The following PPP1R26 variants were observed in gnomAD, a reference collection of about 807,000 sequenced individuals.
PPP1R26 encodes 1A6/DRIM (down-regulated in metastasis) interacting protein.
A neutral mutation model predicts 67.6 loss-of-function variants in PPP1R26; 22 were observed. That is an observed-to-expected ratio of 0.33 (90% CI 0.23 to 0.46). The LOEUF (loss-of-function observed/expected upper bound fraction) is 0.46, where lower values mean the gene tolerates loss of function less well. PPP1R26 is among the 20% of genes least tolerant of loss of function. PPP1R26 has a pLI of 1.00. For missense variants in PPP1R26, 1,602 were observed against 1,651.4 expected, an observed-to-expected ratio of 0.97 and a Z score of 0.52; for synonymous variants, 729 against 717.2, an observed-to-expected ratio of 1.02 and a Z score of -0.26.
chr9:135,483,829 C>T (rs886344620), intron 2 of PPP1R26, 121 bp from the exon 3 acceptor site: 7 of 391,160 alleles, frequency 1.8e-5, no homozygotes, highest in African/African-American at 1.0e-4. Context: ...CAGTCCCATG[C>T]GACCACCTGG....
At chr9:135,482,360 A>T (rs1830550696) in intron 1 of PPP1R26, among the ~76,000 whole-genome samples, 1 of 152,178 alleles carries the variant, frequency 6.6e-6, no homozygotes, top group Admixed American at 6.5e-5. Context: ...AGGTGACTTT[A>T]TGGGGGATGT....
Position 135,487,713 on chromosome 9 carries a change from G to A in PPP1R26, c.3203G>A (p.Arg1068Gln), listed in dbSNP as rs570749929. The stretch of plus-strand genomic sequence containing the variant: ...GACAAGGGGTCCGAGGGCCCCGCCC[G>A]GGGCCTGCCCAGCCTGCCCCTTGCG... ...ERDKGSEGPA[R>Q]GLPSLPLAGF... Residue 1068 changes from arginine to glutamine, a missense_variant, in exon 4 of 4, where the codon CGG becomes CAG. Transcript: ENST00000356818. The A allele has an allele frequency of 3.1e-4, 456 of 1,451,232 alleles. No homozygotes were observed. Among genetic ancestry groups the A allele is most frequent in the Admixed American group, 4.9e-4 (17 of 34,662 alleles). 89.9% of individuals were successfully genotyped at this position (1,451,232 alleles called of 1,614,324 possible).
chr9:135,485,122 C>T lies in PPP1R26; in HGVS notation c.612C>T (p.Ser204=), dbSNP rs751729149. ...SGGGPGSQVG[S]SKDQGSASPV... ...GTGGCCCCGGCAGCCAGGTGGGATCCAGCAAGGACCAGGGCTCCGCCTCCC... is the reference window on the plus strand; with the variant it reads ...GTGGCCCCGGCAGCCAGGTGGGATCTAGCAAGGACCAGGGCTCCGCCTCCC... Residue 204 remains serine, a synonymous_variant, in exon 4 of 4, where the codon TCC becomes TCT. Transcript: ENST00000356818. The surrounding 1 kb of genome is among the most constrained non-coding windows in gnomAD (Gnocchi z 7.2). The T allele has an allele frequency of 6.2e-7, 1 of 1,612,828 alleles. No homozygotes were observed. The highest frequency in any genetic ancestry group is 8.5e-7 in the Non-Finnish European group (1 of 1,179,848).
chr9:135,487,776 T>G lies in PPP1R26; in HGVS notation c.3266T>G (p.Phe1089Cys), dbSNP rs774164019. 6.6e-7 allele frequency: 1 copy of G among 1,524,472 alleles called. No homozygotes were observed. Among genetic ancestry groups the G allele is most frequent in the East Asian group, 2.3e-5 (1 of 43,452 alleles). 94.4% of individuals were successfully genotyped at this position (1,524,472 alleles called of 1,614,324 possible). Reference sequence around the variant, plus strand: ...CTGCTGTCCACCCAGCTCTTCCACTTTGGAAAGGGTGTCTCCTGGGGGGGC... The same window carrying G: ...CTGCTGTCCACCCAGCTCTTCCACTGTGGAAAGGGTGTCTCCTGGGGGGGC... The part of the protein sequence containing the change: ...SPLLSTQLFH[F>C]GKGVSWGGRQ... Residue 1089 changes from phenylalanine (F) to cysteine (C), a missense_variant, in exon 4 of 4, where the codon TTT becomes TGT. By Grantham distance (205) the Phe-to-Cys change is radical. This residue lies in a region of PPP1R26 where 740 missense variants were observed against 696.3 expected (regional missense o/e 1.06). Coordinates refer to ENST00000356818, the MANE Select transcript of PPP1R26 (RefSeq NM_014811.5).
rs1242890542 is a variant in PPP1R26 at position 135,485,901 on chromosome 9, G to A, written c.1391G>A (p.Arg464Lys). 3 of 1,613,470 alleles carry A rather than the reference G, an allele frequency of 1.9e-6. No homozygotes were observed. Among genetic ancestry groups the A allele is most frequent in the Non-Finnish European group, 2.5e-6 (3 of 1,180,032 alleles). ...KAPPPASPAS[R>K]SEFVERSSCR... ...CCACCTCCAGCGAGCCCTGCTTCCA[G>A]GAGTGAGTTTGTGGAACGGTCCTCG... is the stretch of plus-strand genomic sequence containing the variant. The change falls in exon 4 of 4, where the codon AGG becomes AAG. Residue 464 changes from arginine to lysine, a missense_variant. Physicochemically the swap from Arg to Lys is conservative, Grantham distance 26. Coordinates refer to ENST00000356818, the MANE Select transcript of PPP1R26 (RefSeq NM_014811.5). The surrounding 1 kb of genome is among the most constrained non-coding windows in gnomAD (Gnocchi z 7.2).
chr9:135,487,882 C>T lies in PPP1R26; in HGVS notation c.3372C>T (p.Ala1124=), dbSNP rs1196412770. 1.0e-5 allele frequency: 16 copies of T among 1,578,778 alleles called. No homozygotes were observed. The highest frequency in any genetic ancestry group is 2.2e-5 in the East Asian group (1 of 44,546). The change falls in exon 4 of 4, where the codon GCC becomes GCT. Residue 1124 remains alanine, a synonymous_variant. Transcript: ENST00000356818. ...PSFSAFREAQ[A]GPSPVFGSPH... The stretch of plus-strand genomic sequence containing the variant: ...TCTCGGCCTTCAGGGAGGCCCAGGC[C>T]GGACCCAGCCCTGTCTTTGGAAGCC...
intron 1 of PPP1R26, chr9:135,480,343 G>T (rs972456823): frequency 6.6e-6 from 1 of 152,082 alleles, no homozygotes; most frequent in Non-Finnish European, 1.5e-5. Context: ...GAATGGCCGC[G>T]GCCCGGCCGG....
rs376097759 is a variant in PPP1R26 at position 135,486,466 on chromosome 9, C to T, written c.1956C>T (p.Thr652=). ...KASEALGGEG[T]ARGPGDTRMS... ...GTGAGGCCCTGGGAGGGGAGGGCACCGCCAGGGGCCCTGGCGACACTCGCA... is the reference window on the plus strand; with the variant it reads ...GTGAGGCCCTGGGAGGGGAGGGCACTGCCAGGGGCCCTGGCGACACTCGCA... Residue 652 remains threonine, a synonymous_variant, in exon 4 of 4, where the codon ACC becomes ACT. Coordinates refer to ENST00000356818, the MANE Select transcript of PPP1R26 (RefSeq NM_014811.5). This position sits in a 1 kb window ranked among gnomAD's most constrained non-coding sequence, Gnocchi z 6.2. 57 of 1,612,888 alleles carry T rather than the reference C, an allele frequency of 3.5e-5. No individual in the cohort carries two copies. Among genetic ancestry groups the T allele is most frequent in the Middle Eastern group, 1.7e-4 (1 of 5,990 alleles).
Position 135,485,546 on chromosome 9 carries a change from A to G in PPP1R26, c.1036A>G (p.Arg346Gly). The G allele has an allele frequency of 3.7e-6, 6 of 1,613,210 alleles. No individual in the cohort carries two copies. The highest frequency in any genetic ancestry group is 5.1e-6 in the Non-Finnish European group (6 of 1,180,022). Residue 346 changes from arginine to glycine, a missense_variant, in exon 4 of 4, where the codon AGG (arginine) becomes GGG (glycine). Physicochemically the swap from Arg to Gly is moderately radical, Grantham distance 125. Transcript: ENST00000356818. The surrounding 1 kb of genome is among the most constrained non-coding windows in gnomAD (Gnocchi z 7.2). ...GIKRSASAAR[R>G]GKRVMSAAQA... ...CAAAAGGAGCGCCAGCGCTGCAAGGAGGGGAAAGCGAGTCATGAGTGCGGC... is the reference window on the plus strand; with the variant it reads ...CAAAAGGAGCGCCAGCGCTGCAAGGGGGGGAAAGCGAGTCATGAGTGCGGC...
intron 1 of PPP1R26, among the ~76,000 whole-genome samples, 154 bp from the exon 2 acceptor site, chr9:135,482,529 A>G (rs888857443): frequency 3.3e-5 from 5 of 152,282 alleles, no homozygotes; most frequent in Middle Eastern, 3.4e-3. Flanking sequence ...AGTTAAATAT[A>G]TTTGTACTTG....
Position 135,487,325 on chromosome 9 carries a change from C to A in PPP1R26, c.2815C>A (p.Pro939Thr). ...TCCTGCCCGAGGGGATCCGGTGCCG[C>A]CCAGGAGCACCAGCGGCGGTGTCTC... is the stretch of plus-strand genomic sequence containing the variant. ...AAPARGDPVP[P>T]RSTSGGVSAK... The change falls in exon 4 of 4, where the codon CCC becomes ACC. Residue 939 changes from proline (P) to threonine (T), a missense_variant. Transcript: ENST00000356818. 6.4e-7 allele frequency: 1 copy of A among 1,555,568 alleles called. No homozygotes were observed. The highest frequency in any genetic ancestry group is 8.7e-7 in the Non-Finnish European group (1 of 1,152,930).
Position 135,484,851 on chromosome 9 carries a change from C to A in PPP1R26, c.341C>A (p.Thr114Lys), listed in dbSNP as rs1787144475. The A allele has an allele frequency of 1.9e-6, 3 of 1,609,664 alleles. No homozygotes were observed. Among genetic ancestry groups the A allele is most frequent in the Non-Finnish European group, 2.5e-6 (3 of 1,179,142 alleles). ...DFDPMGEEET[T>K]DFGPLVLDSD... The stretch of plus-strand genomic sequence containing the variant: ...GACCCCATGGGGGAGGAGGAAACTA[C>A]AGACTTTGGCCCGTTGGTGCTAGAT... The change falls in exon 4 of 4, where the codon ACA becomes AAA. Residue 114 changes from threonine (T) to lysine (K), a missense_variant. Coordinates refer to ENST00000356818, the MANE Select transcript of PPP1R26 (RefSeq NM_014811.5).
rs760195035 is a variant in PPP1R26, at chr9:135,487,157, G to A, written c.2647G>A (p.Ala883Thr). 1.2e-6 allele frequency: 2 copies of A among 1,610,190 alleles called. No homozygotes were observed. Among genetic ancestry groups the A allele is most frequent in the Non-Finnish European group, 8.5e-7 (1 of 1,179,244 alleles). Reference protein sequence around the residue: ...RPEVLCRKEPAPPPGVCTRSQ... With the variant: ...RPEVLCRKEPTPPPGVCTRSQ... ...AGAGGTGCTGTGCAGGAAGGAGCCTGCCCCACCGCCTGGCGTGTGCACACG... is the reference window on the plus strand; with the variant it reads ...AGAGGTGCTGTGCAGGAAGGAGCCTACCCCACCGCCTGGCGTGTGCACACG... Residue 883 changes from alanine to threonine, a missense_variant, in exon 4 of 4, where the codon GCC becomes ACC. This residue lies in a region of PPP1R26 where 740 missense variants were observed against 696.3 expected (regional missense o/e 1.06). Transcript: ENST00000356818.
At position 135,486,837 on chromosome 9, in the gene PPP1R26, C is replaced by A. The variant is rs1349134630; in HGVS notation, c.2327C>A (p.Thr776Lys). Residue 776 changes from threonine to lysine, a missense_variant, in exon 4 of 4, where the codon ACG becomes AAG. Physicochemically the swap from Thr to Lys is moderately conservative, Grantham distance 78. Coordinates refer to ENST00000356818, the MANE Select transcript of PPP1R26 (RefSeq NM_014811.5). The surrounding 1 kb of genome is among the most constrained non-coding windows in gnomAD (Gnocchi z 6.2). ...AAACCCCCCAGTGTCTTTGGCAGCA[C>A]GGCAGAGAGGATGAGGCAGGAGGGT... is the stretch of plus-strand genomic sequence containing the variant. ...GKKPPSVFGS[T>K]AERMRQEGAA... 1 of 1,610,666 alleles carries A rather than the reference C, an allele frequency of 6.2e-7. No homozygotes were observed. The highest frequency in any genetic ancestry group is 8.5e-7 in the Non-Finnish European group (1 of 1,179,088).
chr9:135,485,656 G>A lies in PPP1R26; in HGVS notation c.1146G>A (p.Lys382=), dbSNP rs1830696126. 1.2e-6 allele frequency: 2 copies of A among 1,612,306 alleles called. No homozygotes were observed. Among genetic ancestry groups the A allele is most frequent in the Non-Finnish European group, 1.7e-6 (2 of 1,180,004 alleles). The change falls in exon 4 of 4, where the codon AAG becomes AAA. Residue 382 remains lysine, a synonymous_variant. Coordinates refer to ENST00000356818, the MANE Select transcript of PPP1R26 (RefSeq NM_014811.5). This position sits in a 1 kb window ranked among gnomAD's most constrained non-coding sequence, Gnocchi z 7.2. ...IQLYQLQKTR[K]EADGDLPQRV... The stretch of plus-strand genomic sequence containing the variant: ...TGTACCAGCTGCAGAAAACACGCAA[G>A]GAGGCCGACGGGGACCTGCCCCAGA...
chr9:135,487,827 A>C lies in PPP1R26; in HGVS notation c.3317A>C (p.His1106Pro). 6.3e-7 allele frequency: 1 copy of C among 1,593,308 alleles called. No homozygotes were observed. Among genetic ancestry groups the C allele is most frequent in the East Asian group, 2.2e-5 (1 of 44,640 alleles). The change falls in exon 4 of 4, where the codon CAC becomes CCC. Residue 1106 changes from histidine (H) to proline (P), a missense_variant. Around this residue, in one of 5 missense-constraint regions of PPP1R26, gnomAD observed 740 missense variants for 696.3 expected, o/e 1.06. Transcript: ENST00000356818. ...GGRQAGLFSP[H>P]LGLPLQGPSF... ...AGGCAGGCTGGCCTCTTCAGCCCCC[A>C]CCTGGGGCTGCCTCTGCAGGGCCCC...
rs768412180 is a variant in PPP1R26 at position 135,486,865 on chromosome 9, C to T, written c.2355C>T (p.Ala785=). ...STAERMRQEG[A]ASQDAALAFR... is the part of the protein sequence containing the mutation. ...CAGAGAGGATGAGGCAGGAGGGTGC[C>T]GCGAGCCAGGACGCGGCCCTGGCCT... Residue 785 remains alanine (A), a synonymous_variant, in exon 4 of 4, where the codon GCC becomes GCT. Coordinates refer to ENST00000356818, the MANE Select transcript of PPP1R26 (RefSeq NM_014811.5). The surrounding 1 kb of genome is among the most constrained non-coding windows in gnomAD (Gnocchi z 6.2). The T allele has an allele frequency of 2.7e-5, 44 of 1,611,710 alleles. No homozygotes were observed. The South Asian group carries it at 4.2e-4, about 15-fold the overall frequency.
chr9:135,483,094 A>G (rs1830581993), intron 2 of PPP1R26, among the ~76,000 whole-genome samples: 1 of 148,982 alleles, frequency 6.7e-6, no homozygotes, highest in Admixed American at 6.9e-5. Context: ...GGTTCGAGCA[A>G]TTCTCCTGCC....
At chr9:135,482,301 C>G (rs531415415) in intron 1 of PPP1R26, among the ~76,000 whole-genome samples, 1 of 152,208 alleles carries the variant, frequency 6.6e-6, no homozygotes, top group Non-Finnish European at 1.5e-5. Flanking sequence ...GAGCTCCTCT[C>G]GCATTGTTGG....
Sources: gnomAD v4.1 joint callset for allele counts (sites outside exome capture counted in the v4.1 genomes callset) on GRCh38, gnomAD v4.1.1 for gene constraint, gnomAD v4.1.1 regional missense constraint, Gnocchi (gnomAD v3.1) non-coding constraint, MANE v1.5 for transcripts, NCBI Gene and HGNC (gene_info 2026-07-23, HGNC 2026-07-21) for gene names.